Variants in ASXL2 observed in about 807,000 individuals in gnomAD.
The protein encoded by ASXL2 is putative Polycomb group protein ASXL2.
Under a neutral mutation model 122.0 loss-of-function variants are expected in ASXL2, and 23 were observed. That is an observed-to-expected ratio of 0.19 (90% CI 0.14 to 0.27). ASXL2 has a LOEUF of 0.27. Among genes scored for constraint, ASXL2 ranks in the 10% least tolerant of loss-of-function variants. The pLI is 1.00. For missense variants in ASXL2, 1,518 were observed against 1,713.8 expected (o/e 0.89, Z 2.02); for synonymous variants, 650 against 637.0 (o/e 1.02, Z -0.31).
chr2:25,844,957 G>A (rs1288042477), intron 2 of ASXL2, among the ~76,000 whole-genome samples: 4 of 152,144 alleles, frequency 2.6e-5, no homozygotes, highest in Middle Eastern at 3.4e-3. Flanking sequence ...ATATAATAAG[G>A]TTCTTAGAAA....
intron 3 of ASXL2, among the ~76,000 whole-genome samples, chr2:25,824,316 A>G (rs2089349376): frequency 6.6e-6 from 1 of 152,184 alleles, no homozygotes; most frequent in African/African-American, 2.4e-5. Context: ...TAATATTTAC[A>G]AAGGACCTAT....
At chr2:25,808,015 ACACACACT>A (rs974272601) in intron 3 of ASXL2, among the ~76,000 whole-genome samples, 4 of 151,416 alleles carry the variant, frequency 2.6e-5, no homozygotes, top group Non-Finnish European at 5.9e-5. Flanking sequence ...ACACACACAC[ACACACACT>A]CTCCACCCCA....
chr2:25,790,578 A>T lies in ASXL2; in HGVS notation c.403+8807T>A, dbSNP rs77636180. 1.3e-3 allele frequency among the ~76,000 whole-genome samples: 192 copies of T among 152,172 alleles called. 3 individuals are homozygous for T. The East Asian group carries it at 0.032, about 25-fold the overall frequency. ...ACTTCAAATGAAACCAATTAATGTC[A>T]CCAATTAACGTCATCCTACACCAAG... On this transcript the variant is annotated intron_variant, in intron 5 of 12. Transcript: ENST00000435504.
chr2:25,757,122 T>C (rs1020629288), intron 9 of ASXL2, among the ~76,000 whole-genome samples: 5 of 152,158 alleles, frequency 3.3e-5, no homozygotes, highest in African/African-American at 1.2e-4. Flanking sequence ...CCTATGTTTT[T>C]CTCTGGTCTA....
At chr2:25,756,636 C>T (rs2088140549) in intron 9 of ASXL2, among the ~76,000 whole-genome samples, 1 of 152,136 alleles carries the variant, frequency 6.6e-6, no homozygotes, top group African/African-American at 2.4e-5. Context: ...GACATCATTT[C>T]CCCCTGGCTC....
chr2:25,813,040 A>G (rs1435023861), intron 3 of ASXL2, among the ~76,000 whole-genome samples: 1 of 152,194 alleles, frequency 6.6e-6, no homozygotes, highest in Admixed American at 6.5e-5. Context: ...CTAGAAAGAG[A>G]TTACTTTAAA....
rs559109170 is a variant in ASXL2 at position 25,775,725 on chromosome 2, C to T, written c.404-4185G>A. On this transcript the variant is annotated intron_variant, in intron 5 of 12. Coordinates refer to ENST00000435504, the MANE Select transcript of ASXL2 (RefSeq NM_018263.6). The stretch of plus-strand genomic sequence containing the variant: ...AACTATGAGTCAACTAAACCTTTTT[C>T]CTTTATAAATTACCCAGTCTCAGGT... Among the ~76,000 whole-genome samples the T allele has an allele frequency of 3.9e-5, 6 of 152,256 alleles. No homozygotes were observed. In the East Asian group the frequency reaches 1.2e-3, roughly 29 times the overall value.
At chr2:25,836,799 T>C (rs1173916612) in intron 2 of ASXL2, among the ~76,000 whole-genome samples, 1 of 152,184 alleles carries the variant, frequency 6.6e-6, no homozygotes, top group Non-Finnish European at 1.5e-5. Flanking sequence ...ACTAATTATA[T>C]ATCATGAACC....
chr2:25,792,252 T>C (rs2088846588), intron 5 of ASXL2, among the ~76,000 whole-genome samples: 1 of 152,220 alleles, frequency 6.6e-6, no homozygotes. Flanking sequence ...TCCTCCCACC[T>C]TGGCCTCCCA....
intron 5 of ASXL2, among the ~76,000 whole-genome samples, chr2:25,783,873 G>A (rs577788541): frequency 6.6e-6 from 1 of 152,102 alleles, no homozygotes; most frequent in East Asian, 1.9e-4. Flanking sequence ...GGCCAACATG[G>A]TGAAACCCCG....
intron 3 of ASXL2, among the ~76,000 whole-genome samples, chr2:25,832,365 T>A (rs934008346): frequency 6.6e-5 from 10 of 151,908 alleles, no homozygotes; most frequent in African/African-American, 2.4e-4. Flanking sequence ...TGTAAAGACA[T>A]ACAAAGAAAT....
chr2:25,767,435 T>A (rs1202450154), intron 8 of ASXL2, 148 bp downstream of exon 8: 20 of 758,290 alleles, frequency 2.6e-5, no homozygotes, highest in Middle Eastern at 3.9e-4. Context: ...ACAGTAATTA[T>A]GTTAGCAACA....
At chr2:25,801,512 T>A (rs1361658960) in intron 4 of ASXL2, among the ~76,000 whole-genome samples, 1 of 152,232 alleles carries the variant, frequency 6.6e-6, no homozygotes, top group Admixed American at 6.5e-5. Context: ...ACACACCCTA[T>A]ATTTTTCTAT....
intron 1 of ASXL2, among the ~76,000 whole-genome samples, chr2:25,852,339 C>T (rs2089725893): frequency 6.6e-6 from 1 of 152,192 alleles, no homozygotes; most frequent in South Asian, 2.1e-4. Context: ...TATTTTCTAA[C>T]ACTCGAGAAT....
intron 1 of ASXL2, among the ~76,000 whole-genome samples, chr2:25,858,246 A>G (rs1365900084): frequency 1.3e-5 from 2 of 152,146 alleles, no homozygotes; most frequent in African/African-American, 2.4e-5. Flanking sequence ...AATATTTATA[A>G]TATTTCCCTT....
At chr2:25,822,757 A>C in intron 3 of ASXL2, 1 of 615,298 alleles carries the variant, frequency 1.6e-6, no homozygotes, top group Non-Finnish European at 3.1e-6. Flanking sequence ...GCAAAACTCA[A>C]TTGGCTTAGT....
chr2:25,784,780 AC>A (rs1329095891), intron 5 of ASXL2, among the ~76,000 whole-genome samples: 4 of 152,186 alleles, frequency 2.6e-5, no homozygotes, highest in African/African-American at 9.7e-5. Context: ...TGGACTAATG[AC>A]CCACCCTACT....
intron 3 of ASXL2, among the ~76,000 whole-genome samples, chr2:25,822,042 G>T (rs531956654): frequency 6.6e-6 from 1 of 152,270 alleles, no homozygotes; most frequent in South Asian, 2.1e-4. Context: ...AATCTCACTG[G>T]CAAGAAGCCT....
At chr2:25,759,742 A>T in intron 8 of ASXL2, 97 bp from the exon 9 acceptor site, 1 of 1,274,380 alleles carries the variant, frequency 7.8e-7, no homozygotes, top group Non-Finnish European at 1.1e-6. Flanking sequence ...CCACAATTGT[A>T]AGCATTTAAA....
Sources: allele counts gnomAD v4.1 joint callset (sites outside exome capture counted in the v4.1 genomes callset), GRCh38; gene constraint gnomAD v4.1.1; transcripts MANE v1.5; gene names NCBI Gene and HGNC (gene_info 2026-07-23, HGNC 2026-07-21).